The following TATDN1 variants were observed in gnomAD, a reference collection of about 807,000 sequenced individuals.
The protein encoded by TATDN1 is deoxyribonuclease TATDN1.
In TATDN1, 40 loss-of-function variants were observed where a neutral mutation model predicts 46.4. The ratio of observed to expected loss-of-function variants is 0.86; its 90% CI spans 0.67 to 1.12. The LOEUF (loss-of-function observed/expected upper bound fraction) is 1.12, where lower values mean the gene tolerates loss of function less well. Among genes scored for constraint, TATDN1 ranks in the 50% most tolerant of loss-of-function variants. The pLI is 0.00. For synonymous variants in TATDN1, 95 were observed against 105.6 expected (o/e 0.90, Z 0.62); for missense variants, 326 against 348.4 (o/e 0.94, Z 0.51).
chr8:124,534,227 T>C (rs1204648725), intron 1 of TATDN1, among the ~76,000 whole-genome samples: 1 of 144,904 alleles, frequency 6.9e-6, no homozygotes, highest in African/African-American at 2.6e-5. Context: ...CACAAGCCAC[T>C]GCCTACTTTT....
intron 9 of TATDN1, among the ~76,000 whole-genome samples, chr8:124,503,115 T>C (rs1033098200): frequency 5.9e-5 from 9 of 152,170 alleles, no homozygotes; most frequent in Non-Finnish European, 1.2e-4. Flanking sequence ...TATATAGACA[T>C]AATAATGAAA....
intron 8 of TATDN1, among the ~76,000 whole-genome samples, chr8:124,508,097 G>C (rs1028771521): frequency 6.6e-6 from 1 of 152,146 alleles, no homozygotes; most frequent in African/African-American, 2.4e-5. Flanking sequence ...AAGATGCTTT[G>C]TGTGTCACAT....
At chr8:124,515,006 T>G (rs1412071295) in intron 6 of TATDN1, among the ~76,000 whole-genome samples, 1 of 152,182 alleles carries the variant, frequency 6.6e-6, no homozygotes, top group Non-Finnish European at 1.5e-5. Context: ...CTCAGGCTGG[T>G]CTGGAACTCT....
intron 1 of TATDN1, among the ~76,000 whole-genome samples, chr8:124,525,238 C>T (rs1003051316): frequency 2.0e-5 from 3 of 152,086 alleles, no homozygotes; most frequent in African/African-American, 4.8e-5. Flanking sequence ...CTCCACCTCC[C>T]GGGTTCAAGC....
chr8:124,538,623 AAT>A (rs1821709020), intron 1 of TATDN1, among the ~76,000 whole-genome samples: 1 of 152,180 alleles, frequency 6.6e-6, no homozygotes, highest in African/African-American at 2.4e-5. Flanking sequence ...TGAACGAATG[AAT>A]GCTTGAGTGA....
intron 1 of TATDN1, among the ~76,000 whole-genome samples, chr8:124,524,174 C>T (rs1054989344): frequency 3.3e-5 from 5 of 152,080 alleles, no homozygotes; most frequent in African/African-American, 4.8e-5. Context: ...TAAGACACAC[C>T]TTGAAAGTGA....
intron 1 of TATDN1, among the ~76,000 whole-genome samples, chr8:124,527,214 C>A (rs184413096): frequency 9.4e-4 from 143 of 152,278 alleles, no homozygotes; most frequent in Non-Finnish European, 1.6e-3. Flanking sequence ...TGGATTCATG[C>A]GTGTATGATA....
intron 1 of TATDN1, among the ~76,000 whole-genome samples, chr8:124,535,471 A>C (rs1198109985): frequency 1.3e-5 from 2 of 152,196 alleles, no homozygotes; most frequent in Non-Finnish European, 2.9e-5. Context: ...TTTGGACATG[A>C]CCACCAAGGG....
chr8:124,517,872 C>T (rs1006910082), intron 4 of TATDN1, among the ~76,000 whole-genome samples: 1 of 152,070 alleles, frequency 6.6e-6, no homozygotes, highest in African/African-American at 2.4e-5. Flanking sequence ...AAAAGCAACT[C>T]GTATCTTAAA....
chr8:124,495,782 C>T (rs771337186), intron 9 of TATDN1, among the ~76,000 whole-genome samples: 3 of 152,142 alleles, frequency 2.0e-5, no homozygotes, highest in African/African-American at 7.2e-5. Context: ...TTTCCAATAG[C>T]GTTCTATATC....
chr8:124,518,882 C>T lies in TATDN1; in HGVS notation c.139-1G>A, dbSNP rs1819785635. On this transcript the variant is annotated splice_acceptor_variant, in intron 3 of 11. Transcript: ENST00000276692. LOFTEE classifies it high-confidence loss of function. ...GTAGATTTCCACCTGTAATCATAAACTGAAATAGAAAGAAAATAAAATAAG... is the reference window on the plus strand; with the variant it reads ...GTAGATTTCCACCTGTAATCATAAATTGAAATAGAAAGAAAATAAAATAAG... 2 of 1,601,906 alleles carry T rather than the reference C, an allele frequency of 1.2e-6. No individual in the cohort carries two copies. The highest frequency in any genetic ancestry group is 1.1e-5 in the South Asian group (1 of 89,800).
intron 9 of TATDN1, chr8:124,503,810 T>A (rs1287032673): frequency 1.2e-6 from 1 of 811,836 alleles, no homozygotes; most frequent in Admixed American, 2.3e-5. Flanking sequence ...CCAGAGGACA[T>A]GGGTTCTCAT....
chr8:124,524,243 T>C (rs1820294006), intron 1 of TATDN1, among the ~76,000 whole-genome samples: 1 of 152,002 alleles, frequency 6.6e-6, no homozygotes, highest in Non-Finnish European at 1.5e-5. Context: ...TTTGAAACAA[T>C]AGGGGAAAAA....
chr8:124,527,324 G>A (rs1168582958), intron 1 of TATDN1, among the ~76,000 whole-genome samples: 1 of 152,224 alleles, frequency 6.6e-6, no homozygotes, highest in Non-Finnish European at 1.5e-5. Context: ...AAGGTGCACA[G>A]CCTGAGTAAA....
chr8:124,503,944 A>G (rs1586589918), intron 9 of TATDN1: 1 of 1,307,432 alleles, frequency 7.6e-7, no homozygotes, highest in African/African-American at 1.5e-5. Context: ...GTATATGTAT[A>G]CATAATGCTG....
At chr8:124,506,605 C>G (rs1227092087) in intron 8 of TATDN1, among the ~76,000 whole-genome samples, 1 of 152,084 alleles carries the variant, frequency 6.6e-6, no homozygotes, top group Admixed American at 6.5e-5. Flanking sequence ...ATACATATTA[C>G]TAGTAGTATA....
At chr8:124,529,976 C>G (rs1242647502) in intron 1 of TATDN1, among the ~76,000 whole-genome samples, 1 of 152,118 alleles carries the variant, frequency 6.6e-6, no homozygotes, top group African/African-American at 2.4e-5. Flanking sequence ...CCTGTAATCC[C>G]AGCTCTTGGG....
chr8:124,534,654 T>C (rs559495544), intron 1 of TATDN1, among the ~76,000 whole-genome samples: 2 of 152,272 alleles, frequency 1.3e-5, no homozygotes, highest in African/African-American at 4.8e-5. Context: ...CAACAACCAA[T>C]TCTCTGACAC....
At chr8:124,534,170 A>G (rs1484188956) in intron 1 of TATDN1, among the ~76,000 whole-genome samples, 6 of 146,526 alleles carry the variant, frequency 4.1e-5, no homozygotes, top group Non-Finnish European at 1.5e-5. Context: ...AAAAAAAAAA[A>G]AAAAAAAAAG....
Sources: gnomAD v4.1 joint callset for allele counts (sites outside exome capture counted in the v4.1 genomes callset) on GRCh38, gnomAD v4.1.1 for gene constraint, MANE v1.5 for transcripts, NCBI Gene and HGNC (gene_info 2026-07-23, HGNC 2026-07-21) for gene names.